Variants in PUM2 observed in about 807,000 individuals in gnomAD.
PUM2 encodes pumilio homolog 2.
In PUM2, 57 loss-of-function variants were observed where a neutral mutation model predicts 124.5. The ratio of observed to expected loss-of-function variants is 0.46; its 90% CI spans 0.37 to 0.57. The LOEUF is 0.57. Ranked by LOEUF, PUM2 falls within the 20% of genes least tolerant of loss-of-function variation. PUM2 has a pLI of 0.00. For synonymous variants in PUM2, 460 were observed against 446.1 expected, an observed-to-expected ratio of 1.03 and a Z score of -0.39; for missense variants, 1,065 against 1,290.6, an observed-to-expected ratio of 0.83 and a Z score of 2.68.
At chr2:20,345,047 G>A (rs1285642837) in intron 1 of PUM2, among the ~76,000 whole-genome samples, 1 of 146,292 alleles carries the variant, frequency 6.8e-6, no homozygotes, top group Non-Finnish European at 1.5e-5. Flanking sequence ...AGCTTTTCCT[G>A]TCCCTGCAGT....
At chr2:20,296,190 A>G (rs1025080477) in intron 8 of PUM2, among the ~76,000 whole-genome samples, 1 of 152,188 alleles carries the variant, frequency 6.6e-6, no homozygotes. Flanking sequence ...TTAAAACAAG[A>G]TCTTGACTTT....
rs1343387843 is a variant in PUM2 at position 20,263,519 on chromosome 2, AT to A, written c.1958-60del. The A allele has an allele frequency of 8.6e-6, 13 of 1,511,968 alleles. No homozygotes were observed. The African/African-American group carries it at 1.8e-4, about 21-fold the overall frequency. The allele number at this position is 1,511,968 out of a possible 1,614,324, so 93.7% of individuals were successfully genotyped here. A position where few individuals can be genotyped will look rare whatever the true frequency, so the allele number is the denominator to read the frequency against. ...TTGACAAAGTTATTCCTCAAATAAA[AT>A]TTACTTTAGCTACAAATTCAGTCAA... On this transcript the variant is annotated intron_variant, in intron 13 of 20. Transcript: ENST00000361078.
chr2:20,263,225 T>C lies in PUM2; in HGVS notation c.2193A>G (p.Ile731Met), dbSNP rs1308399093. 2 of 1,603,004 alleles carry C rather than the reference T, an allele frequency of 1.2e-6. No individual in the cohort carries two copies. Among genetic ancestry groups the C allele is most frequent in the Non-Finnish European group, 1.7e-6 (2 of 1,170,022 alleles). The change falls in exon 14 of 21, where the codon ATA becomes ATG. Residue 731 changes from isoleucine (I) to methionine (M), a missense_variant. Physicochemically the swap from Ile to Met is conservative, Grantham distance 10. Coordinates refer to ENST00000361078, the MANE Select transcript of PUM2 (RefSeq NM_015317.5). The part of the protein sequence containing the change: ...NLQLRDLIGH[I>M]VEFSQDQHGS... ...CATGCTGGTCTTGAGAAAACTCAAC[T>C]ATATGTCCAATCAAGTCTCTAAGCT...
chr2:20,345,732 C>T (rs1409301566), intron 1 of PUM2, among the ~76,000 whole-genome samples: 4 of 152,066 alleles, frequency 2.6e-5, no homozygotes, highest in Admixed American at 2.6e-4. Context: ...ATTAGCCGGG[C>T]ATGGTGGTGG....
At chr2:20,262,724 T>C (rs1299223218) in intron 14 of PUM2, among the ~76,000 whole-genome samples, 2 of 152,254 alleles carry the variant, frequency 1.3e-5, no homozygotes, top group Non-Finnish European at 2.9e-5. Context: ...TTAATTCAGA[T>C]GTATCTCTCA....
intron 1 of PUM2, among the ~76,000 whole-genome samples, chr2:20,343,109 T>G (rs1037052478): frequency 2.0e-5 from 3 of 150,888 alleles, no homozygotes; most frequent in African/African-American, 4.9e-5. Context: ...CCAGCTAAAT[T>G]ATATATTTTT....
intron 7 of PUM2, among the ~76,000 whole-genome samples, chr2:20,304,393 C>G (rs1235993391): frequency 6.6e-6 from 1 of 152,114 alleles, no homozygotes; most frequent in Non-Finnish European, 1.5e-5. Flanking sequence ...CTGCGTCTTA[C>G]CTATTTTTGT....
In PUM2 at chr2:20,275,833, GA is replaced by G. The variant is rs199852850; in HGVS notation, c.1957+2749del. ...TTTCTTCATCAAATAAATGGAAAGGGAAAAAAAAGATGAAGGAAAAACAATT... is the reference window on the plus strand; with the variant it reads ...TTTCTTCATCAAATAAATGGAAAGGGAAAAAAAGATGAAGGAAAAACAATT... On this transcript the variant is annotated intron_variant, in intron 13 of 20. Coordinates refer to ENST00000361078, the MANE Select transcript of PUM2 (RefSeq NM_015317.5). Among the ~76,000 whole-genome samples, 730 of 151,350 alleles carry G rather than the reference GA, an allele frequency of 4.8e-3. 2 individuals are homozygous for G. Among genetic ancestry groups the G allele is most frequent in the Middle Eastern group, 0.021 (6 of 292 alleles).
intron 2 of PUM2, among the ~76,000 whole-genome samples, chr2:20,320,825 T>A (rs1682147682): frequency 1.3e-5 from 2 of 152,130 alleles, no homozygotes; most frequent in South Asian, 4.1e-4. Context: ...TATATTTAAA[T>A]AATAGAACAT....
chr2:20,309,785 T>C (rs910084342), intron 5 of PUM2, among the ~76,000 whole-genome samples: 4 of 152,140 alleles, frequency 2.6e-5, no homozygotes, highest in African/African-American at 9.7e-5. Context: ...TTGGAATAAA[T>C]TTGCTAACAT....
intron 1 of PUM2, among the ~76,000 whole-genome samples, chr2:20,347,867 A>C (rs903193675): frequency 6.6e-6 from 1 of 152,206 alleles, no homozygotes; most frequent in African/African-American, 2.4e-5. Flanking sequence ...CACATGAAAA[A>C]GCAGGGCAAA....
chr2:20,339,164 G>A (rs896086628), intron 1 of PUM2, among the ~76,000 whole-genome samples: 1 of 151,272 alleles, frequency 6.6e-6, no homozygotes, highest in African/African-American at 2.4e-5. Context: ...AGCAAGACTA[G>A]ATTTTTCCTA....
chr2:20,308,661 T>C (rs1420033701), intron 5 of PUM2, 77 bp from the exon 6 acceptor site: 1 of 1,395,100 alleles, frequency 7.2e-7, no homozygotes, highest in Non-Finnish European at 9.7e-7. Context: ...AGAAAAATCA[T>C]GAAAAACAAA....
At chr2:20,312,554 A>G in intron 3 of PUM2, 131 bp from the exon 4 acceptor site, 2 of 834,946 alleles carry the variant, frequency 2.4e-6, no homozygotes, top group Non-Finnish European at 3.7e-6. Context: ...TAATCTTTAT[A>G]TAAAGCTCTT....
At chr2:20,311,708 CA>C (rs574174658) in intron 4 of PUM2, 45 bp from the exon 5 acceptor site, 45 of 1,562,930 alleles carry the variant, frequency 2.9e-5, no homozygotes, top group Admixed American at 1.6e-4. Flanking sequence ...TAATAGAACA[CA>C]AAAAAAAGGC....
At chr2:20,301,642 C>A (rs1277794289) in intron 7 of PUM2, among the ~76,000 whole-genome samples, 2 of 152,048 alleles carry the variant, frequency 1.3e-5, no homozygotes, top group African/African-American at 4.8e-5. Context: ...GCTTGGGGTG[C>A]AGTGGCATGA....
intron 12 of PUM2, among the ~76,000 whole-genome samples, chr2:20,280,422 T>G (rs537574284): frequency 6.6e-6 from 1 of 152,188 alleles, no homozygotes; most frequent in Non-Finnish European, 1.5e-5. Flanking sequence ...ACTGGCAATG[T>G]ATGCTACATT....
chr2:20,325,378 T>A (rs955029407), intron 2 of PUM2, among the ~76,000 whole-genome samples: 1 of 152,212 alleles, frequency 6.6e-6, no homozygotes, highest in African/African-American at 2.4e-5. Context: ...AATAAGGAAG[T>A]CTGGATTTAA....
chr2:20,323,126 T>A (rs1682781285), intron 2 of PUM2, among the ~76,000 whole-genome samples: 1 of 152,096 alleles, frequency 6.6e-6, no homozygotes, highest in African/African-American at 2.4e-5. Flanking sequence ...TTTTCTGCGC[T>A]TCAGTTTCCT....
Sources: gnomAD v4.1 joint callset for allele counts (sites outside exome capture counted in the v4.1 genomes callset) on GRCh38, gnomAD v4.1.1 for gene constraint, MANE v1.5 for transcripts, NCBI Gene and HGNC (gene_info 2026-07-23, HGNC 2026-07-21) for gene names.